CSMD1: variants seen among roughly 807,000 people sequenced by gnomAD.
CSMD1 encodes CUB and Sushi multiple domains 1, also known as CUB and sushi domain-containing protein 1.
Under a neutral mutation model 417.5 loss-of-function variants are expected in CSMD1, and 213 were observed. That is an observed-to-expected ratio of 0.51 (90% CI 0.46 to 0.57). The LOEUF is 0.57. Among genes scored for constraint, CSMD1 ranks in the 20% least tolerant of loss-of-function variants. The pLI, the probability that CSMD1 is intolerant of heterozygous loss-of-function variation, is 0.00. For synonymous variants in CSMD1, 2,862 were observed against 1,736.8 expected, an observed-to-expected ratio of 1.65 and a Z score of -16.11; for missense variants, 6,923 against 4,529.7, an observed-to-expected ratio of 1.53 and a Z score of -15.17.
intron 6 of CSMD1, among the ~76,000 whole-genome samples, chr8:3,748,107 C>T (rs1418148772): frequency 6.6e-6 from 1 of 152,094 alleles, no homozygotes; most frequent in African/African-American, 2.4e-5. Context: ...GCTTGGAACC[C>T]ATAGATGGAC....
At chr8:3,017,806 TA>T (rs777717027) in intron 52 of CSMD1, among the ~76,000 whole-genome samples, 899 of 76,458 alleles carry the variant, frequency 0.012, 6 homozygotes, top group African/African-American at 0.029. Context: ...TTGAGTGATT[TA>T]AAAAAAAAAA....
intron 5 of CSMD1, among the ~76,000 whole-genome samples, chr8:3,994,835 A>T (rs1475560121): frequency 6.6e-6 from 1 of 152,178 alleles, no homozygotes; most frequent in Non-Finnish European, 1.5e-5. Flanking sequence ...TAATCCTATT[A>T]TTGTTCCTAA....
chr8:4,228,787 G>C (rs903163395), intron 3 of CSMD1, among the ~76,000 whole-genome samples: 3 of 151,964 alleles, frequency 2.0e-5, no homozygotes, highest in South Asian at 2.1e-4. Context: ...GGGTTCAAAA[G>C]ATTCTCCTGC....
rs1235512857 is a variant in CSMD1, at chr8:3,594,185, T to TG, written c.1098-7926_1098-7925insC. Among the ~76,000 whole-genome samples the TG allele has an allele frequency of 1.3e-5, 2 of 152,158 alleles. 1 individual carries two copies. On this transcript the variant is annotated intron_variant, in intron 8 of 69. Coordinates refer to ENST00000635120, the MANE Select transcript of CSMD1 (RefSeq NM_033225.6). ...CGACCTACAGGGGTTTGGCACTCAT[T>TG]TACGGCCGTCCCCAAATGCACCAGA...
intron 3 of CSMD1, among the ~76,000 whole-genome samples, chr8:4,201,591 GCAA>G (rs1301082795): frequency 7.1e-6 from 1 of 141,440 alleles, no homozygotes; most frequent in Non-Finnish European, 1.5e-5. Context: ...AAAACGATAT[GCAA>G]CAACTGTAGA....
At chr8:4,315,858 TCA>T (rs1036126873) in intron 3 of CSMD1, among the ~76,000 whole-genome samples, 11 of 152,308 alleles carry the variant, frequency 7.2e-5, no homozygotes, top group African/African-American at 2.6e-4. Context: ...TATTATATTC[TCA>T]GTCTTCTTAG....
At chr8:4,663,784 T>C (rs993148228) in intron 1 of CSMD1, among the ~76,000 whole-genome samples, 1 of 152,180 alleles carries the variant, frequency 6.6e-6, no homozygotes, top group Middle Eastern at 3.2e-3. Context: ...ACTAATGCAC[T>C]AAGTGCTGTA....
At chr8:4,355,490 G>A (rs1801375827) in intron 3 of CSMD1, among the ~76,000 whole-genome samples, 1 of 152,118 alleles carries the variant, frequency 6.6e-6, no homozygotes, top group South Asian at 2.1e-4. Flanking sequence ...TAAAAGTAGA[G>A]TGAATGAAAG....
At chr8:3,935,369 G>A (rs2129696701) in intron 5 of CSMD1, among the ~76,000 whole-genome samples, 1 of 152,218 alleles carries the variant, frequency 6.6e-6, no homozygotes, top group South Asian at 2.1e-4. Context: ...TCATACACAG[G>A]CATACCTAAT....
chr8:4,158,962 T>A (rs1177835712), intron 3 of CSMD1, among the ~76,000 whole-genome samples: 3 of 152,160 alleles, frequency 2.0e-5, no homozygotes, highest in African/African-American at 7.2e-5. Flanking sequence ...GTTGCCCAGG[T>A]TGGAGTGCAG....
chr8:4,217,020 A>G (rs1016890458), intron 3 of CSMD1, among the ~76,000 whole-genome samples: 8 of 152,202 alleles, frequency 5.3e-5, no homozygotes, highest in African/African-American at 1.9e-4. Flanking sequence ...TGTGTCTCTT[A>G]AAGGATAAGT....
At chr8:4,810,034 C>T (rs1473840608) in intron 1 of CSMD1, among the ~76,000 whole-genome samples, 1 of 152,152 alleles carries the variant, frequency 6.6e-6, no homozygotes, top group Non-Finnish European at 1.5e-5. Context: ...TGAGGGTTAG[C>T]TCAATATAAA....
chr8:3,858,614 G>T (rs763440180), intron 5 of CSMD1, among the ~76,000 whole-genome samples: 1 of 151,906 alleles, frequency 6.6e-6, no homozygotes, highest in Admixed American at 6.6e-5. Flanking sequence ...GTTCTCGAAG[G>T]CCTATTTAAA....
chr8:4,508,100 A>AC (rs1405247386), intron 2 of CSMD1, among the ~76,000 whole-genome samples: 1 of 150,060 alleles, frequency 6.7e-6, no homozygotes, highest in African/African-American at 2.4e-5. Context: ...AAAAAAAAAA[A>AC]AAACCCCAAA....
intron 3 of CSMD1, among the ~76,000 whole-genome samples, chr8:4,159,070 C>G (rs182686874): frequency 2.6e-5 from 4 of 152,092 alleles, no homozygotes; most frequent in African/African-American, 7.2e-5. Flanking sequence ...CTTGCACCAC[C>G]AGGCCCAGCT....
chr8:3,425,214 T>C (rs942223307), intron 12 of CSMD1, among the ~76,000 whole-genome samples: 13 of 152,272 alleles, frequency 8.5e-5, no homozygotes, highest in African/African-American at 2.9e-4. Context: ...GAAAGCATAA[T>C]ACATATGGCT....
At chr8:3,822,316 T>C (rs1343668045) in intron 5 of CSMD1, among the ~76,000 whole-genome samples, 2 of 152,176 alleles carry the variant, frequency 1.3e-5, no homozygotes, top group Admixed American at 6.5e-5. Context: ...ACAGGTGTTT[T>C]AAATATCCCT....
At chr8:4,182,813 A>T (rs957762833) in intron 3 of CSMD1, among the ~76,000 whole-genome samples, 2 of 152,182 alleles carry the variant, frequency 1.3e-5, no homozygotes, top group Non-Finnish European at 2.9e-5. Context: ...TCAAGTTAAA[A>T]CATGCAATTA....
At chr8:4,936,097 G>A (rs1199128796) in intron 1 of CSMD1, among the ~76,000 whole-genome samples, 1 of 152,160 alleles carries the variant, frequency 6.6e-6, no homozygotes, top group Non-Finnish European at 1.5e-5. Context: ...AAGGAGTGGA[G>A]GTAATTACAG....
Sources: gnomAD v4.1 joint callset for allele counts (sites outside exome capture counted in the v4.1 genomes callset) on GRCh38, gnomAD v4.1.1 for gene constraint, MANE v1.5 for transcripts, NCBI Gene and HGNC (gene_info 2026-07-23, HGNC 2026-07-21) for gene names.